PCDHGA5: variants seen among roughly 807,000 people sequenced by gnomAD.
The protein encoded by PCDHGA5 is protocadherin gamma-A5.
In PCDHGA5, 36 loss-of-function variants were observed where a neutral mutation model predicts 56.7. The ratio of observed to expected loss-of-function variants is 0.64; its 90% CI spans 0.49 to 0.84. The LOEUF (loss-of-function observed/expected upper bound fraction) is 0.84, where lower values mean the gene tolerates loss of function less well. Ranked by LOEUF, PCDHGA5 falls within the 40% of genes least tolerant of loss-of-function variation. PCDHGA5 has a pLI of 0.00. For missense variants in PCDHGA5, 1,305 were observed against 1,201.5 expected (o/e 1.09, Z -1.27); for synonymous variants, 563 against 520.2 (o/e 1.08, Z -1.12).
At chr5:141,418,458 TG>T in intron 1 of PCDHGA5, 1 of 1,614,010 alleles carries the variant, frequency 6.2e-7, no homozygotes, top group Non-Finnish European at 8.5e-7. Flanking sequence ...CAGAAGACTC[TG>T]GACCGAGAAA....
intron 1 of PCDHGA5, among the ~76,000 whole-genome samples, chr5:141,482,592 C>T (rs187714622): frequency 1.0e-4 from 15 of 142,934 alleles, no homozygotes; most frequent in East Asian, 6.1e-4. Context: ...TGGGACCAAA[C>T]GGGAAAAAAC....
intron 1 of PCDHGA5, chr5:141,408,147 A>G (rs1357143790): frequency 6.7e-7 from 1 of 1,503,488 alleles, no homozygotes; most frequent in Non-Finnish European, 8.9e-7. Context: ...TTAGCGCGGT[A>G]GAGTGCACTT....
In PCDHGA5 at chr5:141,494,836, C is replaced by G. The variant is rs1016713543; in HGVS notation, c.2451C>G (p.Phe817Leu). ...CCCCGCCCAACACGGACTGGCGTTT[C>G]TCTCAGGCCCAGAGACCCGGCACCA... ...QQAPPNTDWR[F>L]SQAQRPGTSG... The change falls in exon 2 of 4, where the codon TTC (phenylalanine) becomes TTG (leucine). Residue 817 changes from phenylalanine (F) to leucine (L), a missense_variant. Phe to Leu is a conservative substitution (Grantham distance 22, BLOSUM62 0). Coordinates refer to ENST00000518069, the MANE Select transcript of PCDHGA5 (RefSeq NM_018918.3). 1.9e-6 allele frequency: 3 copies of G among 1,614,054 alleles called. No individual in the cohort carries two copies. The highest frequency in any genetic ancestry group is 2.7e-5 in the African/African-American group (2 of 74,932).
chr5:141,374,674 G>A, intron 1 of PCDHGA5: 1 of 1,610,698 alleles, frequency 6.2e-7, no homozygotes, highest in Non-Finnish European at 8.5e-7. Flanking sequence ...TGGTGCTGGA[G>A]GGCACACTGG....
Position 141,511,451 on chromosome 5 carries a change from A to G in PCDHGA5, c.*278A>G, listed in dbSNP as rs2099883797. On this transcript the variant is annotated 3_prime_UTR_variant, in exon 4 of 4. Coordinates refer to ENST00000518069, the MANE Select transcript of PCDHGA5 (RefSeq NM_018918.3). ...GGGGTTACTGTAGACACCAAGAACC[A>G]TTTGCCACACCCCGTTTAGTTACAG... is the stretch of plus-strand genomic sequence containing the variant. The G allele has an allele frequency of 4.9e-6, 3 of 606,372 alleles. No homozygotes were observed. Among genetic ancestry groups the G allele is most frequent in the Non-Finnish European group, 8.1e-6 (3 of 368,942 alleles). The allele number at this position is 606,372 out of a possible 1,614,324, so 37.6% of individuals were successfully genotyped here.
rs767497197 is a variant in PCDHGA5, at chr5:141,486,350, T to C, written c.2422-8457T>C. The C allele has an allele frequency of 6.2e-7, 1 of 1,614,128 alleles. No homozygotes were observed. Among genetic ancestry groups the C allele is most frequent in the South Asian group, 1.1e-5 (1 of 91,074 alleles). On this transcript the variant is annotated intron_variant, in intron 1 of 3. Transcript: ENST00000518069. The surrounding 1 kb of genome is among the most constrained non-coding windows in gnomAD (Gnocchi z 5.0). ...TGTGAGCCTCCGCATTCCTGACCAC[T>C]TGCCATTTGCCCTCAAGTCTGCCTT...
intron 1 of PCDHGA5, among the ~76,000 whole-genome samples, chr5:141,481,103 C>G (rs190529217): frequency 2.6e-4 from 39 of 152,252 alleles, no homozygotes; most frequent in Non-Finnish European, 3.4e-4. Context: ...TACTCTGGAA[C>G]CTACCAATCC....
chr5:141,415,739 G>A, intron 1 of PCDHGA5: 4 of 434,948 alleles, frequency 9.2e-6, no homozygotes, highest in Non-Finnish European at 1.3e-5. Context: ...TGTTTATTAA[G>A]GTTTTTTTTT....
intron 2 of PCDHGA5, among the ~76,000 whole-genome samples, chr5:141,503,744 A>G (rs1310696654): frequency 2.0e-5 from 3 of 152,112 alleles, no homozygotes; most frequent in African/African-American, 4.8e-5. Context: ...GATGGTATAG[A>G]GGTCACACAT....
chr5:141,372,040 G>T, intron 1 of PCDHGA5: 1 of 1,613,472 alleles, frequency 6.2e-7, no homozygotes, highest in Non-Finnish European at 8.5e-7. Flanking sequence ...GTGAGCCTGC[G>T]CGTGTTGGTG....
At position 141,498,660 on chromosome 5, in the gene PCDHGA5, G is replaced by A. The variant is rs969314533; in HGVS notation, c.2480+3795G>A. Among the ~76,000 whole-genome samples, 11 of 152,192 alleles carry A rather than the reference G, an allele frequency of 7.2e-5. No homozygotes were observed. In the East Asian group the frequency reaches 9.6e-4, roughly 13 times the overall value. ...GAAGGAAGAAGACCTGGCCAGGTGT[G>A]GTGGCTCACGCCTGTAATCCCAGCA... is the stretch of plus-strand genomic sequence containing the variant. On this transcript the variant is annotated intron_variant, in intron 2 of 3. Coordinates refer to ENST00000518069, the MANE Select transcript of PCDHGA5 (RefSeq NM_018918.3).
chr5:141,392,167 C>T (rs565694057), intron 1 of PCDHGA5: 40 of 152,290 alleles, frequency 2.6e-4, no homozygotes, highest in African/African-American at 7.9e-4. Context: ...ATTTCTGAGT[C>T]AGTCATCTCC....
intron 1 of PCDHGA5, among the ~76,000 whole-genome samples, chr5:141,442,726 C>A (rs1160438073): frequency 2.6e-5 from 4 of 152,060 alleles, no homozygotes; most frequent in Non-Finnish European, 5.9e-5. Context: ...GCATTTGGGG[C>A]CTGTAGGTAA....
intron 1 of PCDHGA5, among the ~76,000 whole-genome samples, chr5:141,443,787 A>C (rs957552086): frequency 3.3e-5 from 5 of 152,222 alleles, no homozygotes; most frequent in African/African-American, 1.2e-4. Flanking sequence ...AAGACAAAAA[A>C]AATGAAAAGG....
rs755018283 is a variant in PCDHGA5, at chr5:141,365,965, C to T, written c.1635C>T (p.Asn545=). ...GTGGGAACCCTCCACTTAGCAGCAACGTGTCGCTGAGCCTGTTTGTGCTGG... is the reference window on the plus strand; with the variant it reads ...GTGGGAACCCTCCACTTAGCAGCAATGTGTCGCTGAGCCTGTTTGTGCTGG... ...SDSGNPPLSS[N]VSLSLFVLDQ... is the part of the protein sequence containing the mutation. The change falls in exon 1 of 4, where the codon AAC becomes AAT. Residue 545 remains asparagine, a synonymous_variant. Coordinates refer to ENST00000518069, the MANE Select transcript of PCDHGA5 (RefSeq NM_018918.3). 6 of 1,614,114 alleles carry T rather than the reference C, an allele frequency of 3.7e-6. No homozygotes were observed. The Admixed American group carries it at 8.3e-5, about 22-fold the overall frequency.
chr5:141,461,088 G>A (rs2099008870), intron 1 of PCDHGA5, among the ~76,000 whole-genome samples: 1 of 151,800 alleles, frequency 6.6e-6, no homozygotes, highest in Non-Finnish European at 1.5e-5. Context: ...GAATTGTGCT[G>A]CTATAAACAT....
intron 1 of PCDHGA5, chr5:141,421,454 T>C: frequency 6.2e-7 from 1 of 1,614,132 alleles, no homozygotes; most frequent in Non-Finnish European, 8.5e-7. Flanking sequence ...ACACAGCTTT[T>C]CGCTGTGAAT....
chr5:141,421,670 T>A, intron 1 of PCDHGA5: 3 of 1,613,892 alleles, frequency 1.9e-6, no homozygotes, highest in Non-Finnish European at 2.5e-6. Flanking sequence ...GAGCACGCAA[T>A]TCCTGGGGCG....
rs765887978 is a variant in PCDHGA5 at position 141,486,476 on chromosome 5, C to T, written c.2422-8331C>T. The T allele has an allele frequency of 8.7e-6, 14 of 1,613,934 alleles. No homozygotes were observed. The highest frequency in any genetic ancestry group is 1.7e-5 in the Admixed American group (1 of 60,016). ...TGCTTCTGATGCTGGGAACCCTCCT[C>T]TCAGTACCCACAGAACTATTTTCCT... On this transcript the variant is annotated intron_variant, in intron 1 of 3. Transcript: ENST00000518069. This position sits in a 1 kb window ranked among gnomAD's most constrained non-coding sequence, Gnocchi z 5.0.
Sources: allele counts gnomAD v4.1 joint callset (sites outside exome capture counted in the v4.1 genomes callset), GRCh38; gene constraint gnomAD v4.1.1; non-coding constraint Gnocchi (gnomAD v3.1); transcripts MANE v1.5; gene names NCBI Gene and HGNC (gene_info 2026-07-23, HGNC 2026-07-21).